Variants in IPMK observed in about 807,000 individuals in gnomAD.
IPMK encodes the protein inositol 1,3,4,6-tetrakisphosphate 5-kinase.
A neutral mutation model predicts 45.8 loss-of-function variants in IPMK; 17 were observed. The observed-to-expected ratio is 0.37, with a 90% CI of 0.25 to 0.56. The LOEUF is 0.56. IPMK is among the 20% of genes least tolerant of loss of function. IPMK has a pLI of 0.79. For missense variants in IPMK, 399 were observed against 498.0 expected, an observed-to-expected ratio of 0.80 and a Z score of 1.89; for synonymous variants, 180 against 184.3, an observed-to-expected ratio of 0.98 and a Z score of 0.19.
chr10:58,249,458 T>C (rs1399447533), intron 1 of IPMK, among the ~76,000 whole-genome samples: 6 of 152,224 alleles, frequency 3.9e-5, no homozygotes, highest in Non-Finnish European at 7.3e-5. Context: ...TTTTCTCTTA[T>C]GATTAGTGAT....
At chr10:58,249,349 G>T (rs1210807334) in intron 1 of IPMK, among the ~76,000 whole-genome samples, 3 of 152,180 alleles carry the variant, frequency 2.0e-5, no homozygotes, top group African/African-American at 7.2e-5. Flanking sequence ...GCCTCCCAGG[G>T]CTGGGATTAT....
chr10:58,234,974 AAAAC>A (rs1305994557), intron 2 of IPMK, among the ~76,000 whole-genome samples: 11 of 152,192 alleles, frequency 7.2e-5, no homozygotes, highest in Non-Finnish European at 1.5e-4. Context: ...TTACTAGAAA[AAAAC>A]AAACAACCCC....
At chr10:58,240,711 G>A (rs1278063317) in intron 1 of IPMK, among the ~76,000 whole-genome samples, 2 of 150,966 alleles carry the variant, frequency 1.3e-5, no homozygotes, top group Non-Finnish European at 2.9e-5. Context: ...GGAGCGGAAT[G>A]GGAAGGTGGG....
At chr10:58,248,621 G>A (rs779561744) in intron 1 of IPMK, among the ~76,000 whole-genome samples, 15 of 151,750 alleles carry the variant, frequency 9.9e-5, no homozygotes, top group African/African-American at 1.5e-4. Flanking sequence ...TCACCCTATC[G>A]TGCTATTAAA....
chr10:58,267,364 G>A (rs1839164163), intron 1 of IPMK, 58 bp downstream of exon 1: 1 of 1,572,488 alleles, frequency 6.4e-7, no homozygotes, highest in African/African-American at 1.3e-5. Context: ...TGCCTCCGCT[G>A]ACAGGGGGCT....
Position 58,237,748 on chromosome 10 carries a change from T to A in IPMK, c.257A>T (p.Glu86Val). 1 of 1,612,740 alleles carries A rather than the reference T, an allele frequency of 6.2e-7. No individual in the cohort carries two copies. The change falls in exon 2 of 6, where the codon GAG (glutamate) becomes GTG (valine). Residue 86 changes from glutamate (E) to valine (V), a missense_variant. Physicochemically the swap from Glu to Val is moderately radical, Grantham distance 121. Around this residue, in one of 2 missense-constraint regions of IPMK, gnomAD observed 288 missense variants for 398.0 expected, o/e 0.72. Coordinates refer to ENST00000373935, the MANE Select transcript of IPMK (RefSeq NM_152230.5). ...ACTTACCATATTATAGAATTCCAGC[T>A]CTCTTGGGCCCCTTGGAGGTGGTTG... ...QLQPPPRGPRELEFYNMVYAA... is the reference protein window; with the variant it reads ...QLQPPPRGPRVLEFYNMVYAA...
chr10:58,234,398 T>C (rs1339623953), intron 2 of IPMK, among the ~76,000 whole-genome samples: 1 of 152,208 alleles, frequency 6.6e-6, no homozygotes, highest in Non-Finnish European at 1.5e-5. Context: ...GCCATTATGC[T>C]ACCTGACTTC....
Position 58,237,082 on chromosome 10 carries a change from G to C in IPMK, c.276+647C>G, listed in dbSNP as rs117387718. 4.7e-3 allele frequency among the ~76,000 whole-genome samples: 719 copies of C among 152,106 alleles called. 3 individuals carry two copies. Among genetic ancestry groups the C allele is most frequent in the Non-Finnish European group, 7.7e-3 (522 of 67,966 alleles). On this transcript the variant is annotated intron_variant, in intron 2 of 5. Coordinates refer to ENST00000373935, the MANE Select transcript of IPMK (RefSeq NM_152230.5). ...CAGAGCCAGACCCTATCTCAAAAAA[G>C]AAAAAATCAAACTAGAAAAGATGCT...
intron 2 of IPMK, among the ~76,000 whole-genome samples, chr10:58,229,951 A>G (rs1451639623): frequency 6.6e-6 from 1 of 152,214 alleles, no homozygotes. Flanking sequence ...GGACACTCCC[A>G]TCCAAATACT....
intron 1 of IPMK, among the ~76,000 whole-genome samples, chr10:58,244,280 C>T (rs1458898279): frequency 5.1e-5 from 7 of 137,852 alleles, no homozygotes; most frequent in East Asian, 4.5e-4. Flanking sequence ...TCTGCCCAGC[C>T]GCCCCGTCGG....
chr10:58,237,750 T>C lies in IPMK; in HGVS notation c.255A>G (p.Arg85=). ...TTACCATATTATAGAATTCCAGCTC[T>C]CTTGGGCCCCTTGGAGGTGGTTGTA... is the stretch of plus-strand genomic sequence containing the variant. The part of the protein sequence containing the change: ...KQLQPPPRGP[R]ELEFYNMVYA... The change falls in exon 2 of 6, where the codon AGA becomes AGG. Residue 85 remains arginine (R), a synonymous_variant. Coordinates refer to ENST00000373935, the MANE Select transcript of IPMK (RefSeq NM_152230.5). 1 of 1,612,942 alleles carries C rather than the reference T, an allele frequency of 6.2e-7. No homozygotes were observed. Among genetic ancestry groups the C allele is most frequent in the Non-Finnish European group, 8.5e-7 (1 of 1,179,356 alleles).
At chr10:58,216,113 A>G in intron 4 of IPMK, 32 bp downstream of exon 4, 2 of 1,368,074 alleles carry the variant, frequency 1.5e-6, no homozygotes, top group Non-Finnish European at 2.0e-6. Flanking sequence ...TGTACAGAGA[A>G]ATGTGCATAT....
At chr10:58,218,028 A>C (rs1179671388) in intron 3 of IPMK, among the ~76,000 whole-genome samples, 2 of 152,186 alleles carry the variant, frequency 1.3e-5, no homozygotes, top group Non-Finnish European at 2.9e-5. Flanking sequence ...TTTAAAAGGA[A>C]TAAATCTTCT....
rs1341936160 is a variant in IPMK at position 58,196,476 on chromosome 10, G to A, written c.851C>T (p.Ser284Leu). 7.4e-6 allele frequency: 12 copies of A among 1,614,064 alleles called. No homozygotes were observed. Among genetic ancestry groups the A allele is most frequent in the Middle Eastern group, 1.7e-4 (1 of 6,058 alleles). The part of the protein sequence containing the change: ...AEKFLSKGQL[S>L]DTEVLEYNNN... ...ATTGTACTCTAGTACTTCTGTGTCT[G>A]ACAGTTGTCCTTTGGACAAAAACTT... Residue 284 changes from serine to leucine, a missense_variant, in exon 6 of 6, where the codon TCA (serine) becomes TTA (leucine). Ser to Leu is a moderately radical substitution (Grantham distance 145). Transcript: ENST00000373935.
intron 4 of IPMK, among the ~76,000 whole-genome samples, chr10:58,201,320 T>C (rs1837994275): frequency 1.3e-5 from 2 of 152,232 alleles, no homozygotes; most frequent in Non-Finnish European, 2.9e-5. Flanking sequence ...TGGTGCCACT[T>C]TTCCAACAGC....
In IPMK at chr10:58,237,812, T is replaced by A; in HGVS notation, c.193A>T (p.Ile65Leu). ...GHMYGKDKVG[I>L]LQHPDGTVLK... ...ACTGTGCCATCTGGATGTTGCAGTA[T>A]ACCTATGGAACAAAAATCAGAAATT... The change falls in exon 2 of 6, where the codon ATA (isoleucine) becomes TTA (leucine). Residue 65 changes from isoleucine to leucine, a missense_variant and splice_region_variant. Physicochemically the swap from Ile to Leu is conservative, Grantham distance 5. Coordinates refer to ENST00000373935, the MANE Select transcript of IPMK (RefSeq NM_152230.5). 6.2e-7 allele frequency: 1 copy of A among 1,611,854 alleles called. No homozygotes were observed. The highest frequency in any genetic ancestry group is 2.2e-5 in the East Asian group (1 of 44,844).
At chr10:58,215,583 G>A (rs142596126) in intron 4 of IPMK, among the ~76,000 whole-genome samples, 85 of 151,758 alleles carry the variant, frequency 5.6e-4, no homozygotes, top group African/African-American at 2.0e-3. Context: ...GCTGGTTTTT[G>A]CATTTTTGTA....
intron 1 of IPMK, among the ~76,000 whole-genome samples, chr10:58,266,739 G>A (rs946555): frequency 0.036 from 5,428 of 152,254 alleles, 165 homozygotes; most frequent in African/African-American, 0.081. Flanking sequence ...CCATGATACA[G>A]CCTTATAAAA....
At chr10:58,213,375 A>G (rs544290593) in intron 4 of IPMK, among the ~76,000 whole-genome samples, 4 of 152,328 alleles carry the variant, frequency 2.6e-5, no homozygotes, top group African/African-American at 7.2e-5. Flanking sequence ...ACCAAGAGGA[A>G]TACCTCAGCA....
Sources: gnomAD v4.1 joint callset for allele counts (sites outside exome capture counted in the v4.1 genomes callset) on GRCh38, gnomAD v4.1.1 for gene constraint, gnomAD v4.1.1 regional missense constraint, MANE v1.5 for transcripts, NCBI Gene and HGNC (gene_info 2026-07-23, HGNC 2026-07-21) for gene names.